Variants in PDE4B observed in about 807,000 individuals in gnomAD.
PDE4B encodes the protein phosphodiesterase 4B.
In PDE4B, 20 loss-of-function variants were observed where a neutral mutation model predicts 82.2. The observed-to-expected ratio is 0.24, with a 90% confidence interval of 0.17 to 0.35. PDE4B has a LOEUF of 0.35. Among genes scored for constraint, PDE4B ranks in the 10% least tolerant of loss-of-function variants. The probability of loss-of-function intolerance (pLI) is 1.00; values close to 1 mark genes in which losing one functional copy is unlikely to be tolerated. For synonymous variants in PDE4B, 320 were observed against 318.9 expected (o/e 1.00, Z -0.04); for missense variants, 655 against 907.2 (o/e 0.72, Z 3.57).
intron 1 of PDE4B, among the ~76,000 whole-genome samples, chr1:65,876,287 C>G (rs887008416): frequency 6.6e-6 from 1 of 152,022 alleles, no homozygotes; most frequent in African/African-American, 2.4e-5. Context: ...TCAATACTTA[C>G]AGAAATTCAA....
intron 4 of PDE4B, among the ~76,000 whole-genome samples, chr1:66,252,400 T>C (rs530062178): frequency 2.0e-5 from 3 of 152,330 alleles, no homozygotes; most frequent in African/African-American, 7.2e-5. Flanking sequence ...AAGCCCATCC[T>C]AAGTTGAAAA....
rs557697591 is a variant in PDE4B, at chr1:66,371,896, G to A, written c.1846-417G>A. 1.6e-4 allele frequency among the ~76,000 whole-genome samples: 24 copies of A among 152,240 alleles called. No individual in the cohort carries two copies. In the East Asian group the frequency reaches 4.6e-3, roughly 29 times the overall value. On this transcript the variant is annotated intron_variant, in intron 16 of 16. Coordinates refer to ENST00000341517, the MANE Select transcript of PDE4B (RefSeq NM_002600.4). The stretch of plus-strand genomic sequence containing the variant: ...GTGGCAAAGTCATTCTTTGTCTTTG[G>A]GTCCCTGGAAATCATGAGGATTCCA...
chr1:65,904,628 T>C (rs1429695593), intron 1 of PDE4B, among the ~76,000 whole-genome samples: 1 of 152,156 alleles, frequency 6.6e-6, no homozygotes, highest in African/African-American at 2.4e-5. Flanking sequence ...CCCTGACCCA[T>C]CCTATTTGCT....
intron 3 of PDE4B, among the ~76,000 whole-genome samples, chr1:66,008,627 C>G (rs886723257): frequency 6.6e-6 from 1 of 152,110 alleles, no homozygotes; most frequent in Admixed American, 6.6e-5. Context: ...CCCTTATAAG[C>G]AAAACTCTCC....
Position 66,087,598 on chromosome 1 carries a change from G to T in PDE4B, c.282-159862G>T, listed in dbSNP as rs1363370359. On this transcript the variant is annotated intron_variant, in intron 3 of 16. Coordinates refer to ENST00000341517, the MANE Select transcript of PDE4B (RefSeq NM_002600.4). ...CCTATGTCCTGAATGGTAATGCCTA[G>T]GTTTTCTTCTAGGGTTTTTATGGTG... 4.6e-5 allele frequency among the ~76,000 whole-genome samples: 7 copies of T among 151,934 alleles called. 1 individual carries two copies. The highest frequency in any genetic ancestry group is 3.3e-4 in the Admixed American group (5 of 15,238).
intron 7 of PDE4B, among the ~76,000 whole-genome samples, chr1:66,326,531 A>G (rs1659763643): frequency 6.6e-6 from 1 of 152,204 alleles, no homozygotes; most frequent in Non-Finnish European, 1.5e-5. Context: ...TGTTTATGAT[A>G]TTCATTCCTG....
intron 1 of PDE4B, among the ~76,000 whole-genome samples, chr1:65,811,606 A>G (rs918816539): frequency 6.6e-6 from 1 of 152,148 alleles, no homozygotes; most frequent in African/African-American, 2.4e-5. Flanking sequence ...TTTTTGACCT[A>G]TTTGATTTCC....
chr1:66,198,072 G>C (rs1648491609), intron 3 of PDE4B, among the ~76,000 whole-genome samples: 1 of 152,184 alleles, frequency 6.6e-6, no homozygotes, highest in Non-Finnish European at 1.5e-5. Flanking sequence ...AAGAATGTGA[G>C]TAGAGATCAA....
At chr1:66,143,244 G>A (rs145554487) in intron 3 of PDE4B, among the ~76,000 whole-genome samples, 3 of 152,198 alleles carry the variant, frequency 2.0e-5, no homozygotes, top group African/African-American at 7.2e-5. Flanking sequence ...ACTGTATTAT[G>A]AGCCATTTAT....
Position 66,257,844 on chromosome 1 carries a change from C to G in PDE4B, c.565C>G (p.Leu189Val), listed in dbSNP as rs1654364613. The G allele has an allele frequency of 2.5e-6, 4 of 1,612,442 alleles. No homozygotes were observed. The highest frequency in any genetic ancestry group is 1.3e-5 in the African/African-American group (1 of 74,866). Residue 189 changes from leucine to valine, a missense_variant, in exon 6 of 17, where the codon CTT becomes GTT. By Grantham distance (32) the Leu-to-Val change is conservative. Around this residue, in one of 3 missense-constraint regions of PDE4B, gnomAD observed 253 missense variants for 275.6 expected, o/e 0.92. Transcript: ENST00000341517. ...VRNNFTILTN[L>V]HGTSNKRSPA... is the part of the protein sequence containing the mutation. The stretch of plus-strand genomic sequence containing the variant: ...AAACAACTTCACTATACTGACAAAC[C>G]TTCATGGTACATCTAACAAGTAAGG...
chr1:66,254,216 A>G (rs909047008), intron 4 of PDE4B, among the ~76,000 whole-genome samples: 41 of 152,152 alleles, frequency 2.7e-4, no homozygotes, highest in African/African-American at 8.9e-4. Flanking sequence ...TCACTTGACT[A>G]GCCTAAAAAA....
chr1:66,361,546 T>G lies in PDE4B; in HGVS notation c.842-69T>G, dbSNP rs1365210943. 12 of 1,216,204 alleles carry G rather than the reference T, an allele frequency of 9.9e-6. No homozygotes were observed. The Admixed American group carries it at 2.6e-4, about 26-fold the overall frequency. The allele number at this position is 1,216,204 out of a possible 1,614,324, so 75.3% of individuals were successfully genotyped here. On this transcript the variant is annotated intron_variant, in intron 9 of 16. Transcript: ENST00000341517. ...TAAAGCTGTTATAGATGGTTAGAGT[T>G]GTTTTGAATATTGCAGTGGATTCTC... is the stretch of plus-strand genomic sequence containing the variant.
intron 7 of PDE4B, among the ~76,000 whole-genome samples, chr1:66,306,177 G>C (rs567614728): frequency 6.6e-6 from 1 of 152,264 alleles, no homozygotes; most frequent in African/African-American, 2.4e-5. Context: ...TAAATGATAA[G>C]AGCATGAGAT....
intron 3 of PDE4B, among the ~76,000 whole-genome samples, chr1:66,183,018 A>G (rs914333986): frequency 6.6e-6 from 1 of 152,212 alleles, no homozygotes. Flanking sequence ...CATAACCTGT[A>G]TCCAGCTTGT....
chr1:65,946,948 A>T (rs908945699), intron 3 of PDE4B, among the ~76,000 whole-genome samples: 2 of 152,074 alleles, frequency 1.3e-5, no homozygotes, highest in African/African-American at 4.8e-5. Context: ...TTTGGAATAC[A>T]TATCCCAGGA....
At chr1:65,958,496 A>T (rs929431387) in intron 3 of PDE4B, among the ~76,000 whole-genome samples, 2 of 152,042 alleles carry the variant, frequency 1.3e-5, no homozygotes, top group Non-Finnish European at 2.9e-5. Context: ...TGACTTGAAG[A>T]TTGTGCCCTC....
chr1:66,372,150 T>C (rs1238509148), intron 16 of PDE4B, among the ~76,000 whole-genome samples, 163 bp from the exon 17 acceptor site: 1 of 152,212 alleles, frequency 6.6e-6, no homozygotes, highest in Non-Finnish European at 1.5e-5. Context: ...TCGATTGCAT[T>C]CAGTGTAAGA....
chr1:66,008,297 T>C (rs549799550), intron 3 of PDE4B, among the ~76,000 whole-genome samples: 43 of 152,268 alleles, frequency 2.8e-4, no homozygotes, highest in African/African-American at 1.0e-3. Flanking sequence ...AGGCATGTCA[T>C]TGTATTTGCA....
At chr1:66,350,827 C>T (rs1458551572) in intron 8 of PDE4B, among the ~76,000 whole-genome samples, 1 of 152,108 alleles carries the variant, frequency 6.6e-6, no homozygotes, top group Non-Finnish European at 1.5e-5. Flanking sequence ...GAAACTGGCT[C>T]AGAAGAAATA....
Sources: gnomAD v4.1 joint callset for allele counts (sites outside exome capture counted in the v4.1 genomes callset) on GRCh38, gnomAD v4.1.1 for gene constraint, gnomAD v4.1.1 regional missense constraint, MANE v1.5 for transcripts, NCBI Gene and HGNC (gene_info 2026-07-23, HGNC 2026-07-21) for gene names.